The following KCNIP1 variants were observed in gnomAD, a reference collection of about 807,000 sequenced individuals.
The protein encoded by KCNIP1 is A-type potassium channel modulatory protein KCNIP1.
Under a neutral mutation model 33.0 loss-of-function variants are expected in KCNIP1, and 18 were observed. The ratio of observed to expected loss-of-function variants is 0.55; its 90% CI spans 0.38 to 0.81. The LOEUF (loss-of-function observed/expected upper bound fraction) is 0.81, where lower values mean the gene tolerates loss of function less well. Among genes scored for constraint, KCNIP1 ranks in the 30% least tolerant of loss-of-function variants. The probability of loss-of-function intolerance (pLI) is 0.00; values close to 1 mark genes in which losing one functional copy is unlikely to be tolerated. For missense variants in KCNIP1, 238 were observed against 271.6 expected (o/e 0.88, Z 0.87); for synonymous variants, 93 against 98.3 (o/e 0.95, Z 0.32).
chr5:170,488,087 T>A (rs992257895), intron 1 of KCNIP1, among the ~76,000 whole-genome samples: 1 of 152,232 alleles, frequency 6.6e-6, no homozygotes, highest in East Asian at 1.9e-4. Flanking sequence ...AAGCTGATGG[T>A]GCCTCCTGGA....
At chr5:170,433,874 C>A (rs1755799614) in intron 1 of KCNIP1, among the ~76,000 whole-genome samples, 1 of 152,092 alleles carries the variant, frequency 6.6e-6, no homozygotes, top group South Asian at 2.1e-4. Context: ...CTCATCGGGG[C>A]AGTGGGGGAC....
chr5:170,617,990 G>A (rs1759454148), intron 1 of KCNIP1, among the ~76,000 whole-genome samples: 2 of 152,296 alleles, frequency 1.3e-5, no homozygotes, highest in South Asian at 2.1e-4. Flanking sequence ...CCAGGGAGGA[G>A]GTTTTCAGAA....
At chr5:170,580,399 G>A (rs1264629902) in intron 1 of KCNIP1, among the ~76,000 whole-genome samples, 1 of 152,176 alleles carries the variant, frequency 6.6e-6, no homozygotes, top group Non-Finnish European at 1.5e-5. Context: ...AAACCTGGAA[G>A]GCAGGCACTG....
intron 1 of KCNIP1, among the ~76,000 whole-genome samples, chr5:170,392,800 G>C (rs1314358740): frequency 6.6e-6 from 1 of 152,100 alleles, no homozygotes; most frequent in Non-Finnish European, 1.5e-5. Flanking sequence ...CTCCAGCCTG[G>C]GCGACAGAGT....
intron 1 of KCNIP1, among the ~76,000 whole-genome samples, chr5:170,687,629 C>G (rs779719788): frequency 6.6e-6 from 1 of 152,166 alleles, no homozygotes; most frequent in African/African-American, 2.4e-5. Flanking sequence ...TCACTCTGAG[C>G]CATGCCTCCT....
chr5:170,631,074 G>A (rs1207820088), intron 1 of KCNIP1, among the ~76,000 whole-genome samples: 3 of 152,174 alleles, frequency 2.0e-5, no homozygotes, highest in African/African-American at 7.2e-5. Flanking sequence ...CCAACCAGAT[G>A]ACTTCCTTCT....
At chr5:170,405,401 G>A (rs1027100834) in intron 1 of KCNIP1, among the ~76,000 whole-genome samples, 3 of 152,144 alleles carry the variant, frequency 2.0e-5, no homozygotes, top group Non-Finnish European at 2.9e-5. Context: ...ACAGGGTTTC[G>A]CCAGGTTAGC....
At position 170,461,787 on chromosome 5, in the gene KCNIP1, G is replaced by A. The variant is rs56114515; in HGVS notation, c.88+107823G>A. The stretch of plus-strand genomic sequence containing the variant: ...AGGCAAATAGACCAATGGAACAGAA[G>A]AGAGAACGCAGAAATAAACCCGAAC... On this transcript the variant is annotated intron_variant, in intron 1 of 7. Transcript: ENST00000377360. Among the ~76,000 whole-genome samples the A allele has an allele frequency of 9.9e-3, 1,480 of 149,338 alleles. 25 individuals are homozygous for A. The highest frequency in any genetic ancestry group is 0.034 in the African/African-American group (1,379 of 40,800).
intron 1 of KCNIP1, among the ~76,000 whole-genome samples, chr5:170,595,787 A>G (rs1007846013): frequency 3.3e-5 from 5 of 152,248 alleles, no homozygotes; most frequent in Non-Finnish European, 7.3e-5. Context: ...ATTTGAACCC[A>G]AGACTCTAAC....
At chr5:170,385,872 C>A (rs1244798042) in intron 1 of KCNIP1, among the ~76,000 whole-genome samples, 2 of 152,020 alleles carry the variant, frequency 1.3e-5, no homozygotes, top group Admixed American at 6.5e-5. Flanking sequence ...GAAATCCCAG[C>A]ACTTTCGGAG....
intron 1 of KCNIP1, chr5:170,482,988 CAT>C: frequency 2.3e-6 from 1 of 428,626 alleles, no homozygotes; most frequent in East Asian, 7.1e-5. Flanking sequence ...CCCTAGAAAA[CAT>C]AGCCTAAATT....
At chr5:170,638,973 C>T (rs896949999) in intron 1 of KCNIP1, among the ~76,000 whole-genome samples, 2 of 152,206 alleles carry the variant, frequency 1.3e-5, no homozygotes, top group African/African-American at 2.4e-5. Context: ...CCAATTCCTC[C>T]GCAGCAGGAG....
chr5:170,562,375 G>C (rs1222761951), intron 1 of KCNIP1, among the ~76,000 whole-genome samples: 1 of 152,188 alleles, frequency 6.6e-6, no homozygotes, highest in Non-Finnish European at 1.5e-5. Flanking sequence ...TGACTGCATG[G>C]GGTTCTGCAA....
chr5:170,517,659 ATGG>A (rs964875216), intron 1 of KCNIP1, among the ~76,000 whole-genome samples: 23 of 125,910 alleles, frequency 1.8e-4, no homozygotes, highest in African/African-American at 4.8e-4. Flanking sequence ...CGATGGTGGT[ATGG>A]TGGTGGTGGT....
chr5:170,358,369 T>G lies in KCNIP1; in HGVS notation c.88+4405T>G, dbSNP rs534858924. The stretch of plus-strand genomic sequence containing the variant: ...GCCCAGGCCCAGGCTGTTCCTCTTT[T>G]TTCGAGGCAAAACCTCAGCTGCCCC... On this transcript the variant is annotated intron_variant, in intron 1 of 7. Transcript: ENST00000377360. Among the ~76,000 whole-genome samples, 7 of 152,236 alleles carry G rather than the reference T, an allele frequency of 4.6e-5. No individual in the cohort carries two copies. In the East Asian group the frequency reaches 1.4e-3, roughly 29 times the overall value.
chr5:170,366,431 G>A (rs1274394278), intron 1 of KCNIP1, among the ~76,000 whole-genome samples: 4 of 152,248 alleles, frequency 2.6e-5, no homozygotes, highest in Non-Finnish European at 5.9e-5. Context: ...CCATGGACAA[G>A]CAAGCTCTGG....
At chr5:170,369,230 C>A (rs1345530293) in intron 1 of KCNIP1, among the ~76,000 whole-genome samples, 2 of 152,168 alleles carry the variant, frequency 1.3e-5, no homozygotes, top group African/African-American at 4.8e-5. Flanking sequence ...GACTCAGATT[C>A]TTCATCAGTA....
intron 1 of KCNIP1, among the ~76,000 whole-genome samples, chr5:170,360,289 G>A (rs1382420897): frequency 6.6e-6 from 1 of 152,226 alleles, no homozygotes; most frequent in Non-Finnish European, 1.5e-5. Context: ...AAGGAAGCAG[G>A]ATGCAGGGCG....
upstream of KCNIP1, among the ~76,000 whole-genome samples, chr5:170,499,591 A>G (rs918842946): frequency 5.9e-5 from 9 of 152,196 alleles, no homozygotes; most frequent in African/African-American, 1.4e-4. Context: ...AATGCTCTCA[A>G]TCTGACTCTA....
Sources: allele counts gnomAD v4.1 joint callset (sites outside exome capture counted in the v4.1 genomes callset), GRCh38; gene constraint gnomAD v4.1.1; transcripts MANE v1.5; gene names NCBI Gene and HGNC (gene_info 2026-07-23, HGNC 2026-07-21).